The following IPO11 variants were observed in gnomAD, a reference collection of about 807,000 sequenced individuals.
IPO11 encodes importin 11, also known as importin-11.
Under a neutral mutation model 143.2 loss-of-function variants are expected in IPO11, and 66 were observed. That is an observed-to-expected ratio of 0.46 (90% CI 0.38 to 0.57). IPO11 has a LOEUF of 0.57. Ranked by LOEUF, IPO11 falls within the 20% of genes least tolerant of loss-of-function variation. The pLI is 0.00. For synonymous variants in IPO11, 385 were observed against 377.8 expected, an observed-to-expected ratio of 1.02 and a Z score of -0.22; for missense variants, 1,026 against 1,141.0, an observed-to-expected ratio of 0.90 and a Z score of 1.45.
At chr5:62,480,715 T>C (rs1163647290) in intron 9 of IPO11, among the ~76,000 whole-genome samples, 1 of 152,046 alleles carries the variant, frequency 6.6e-6, no homozygotes, top group Non-Finnish European at 1.5e-5. Flanking sequence ...GAATGGGAGT[T>C]CACTTATGAT....
At chr5:62,557,511 A>G (rs184384890) in intron 26 of IPO11, among the ~76,000 whole-genome samples, 7 of 152,298 alleles carry the variant, frequency 4.6e-5, no homozygotes, top group Non-Finnish European at 7.4e-5. Flanking sequence ...GGAACTTAAA[A>G]TATACCCCTG....
Position 62,470,679 on chromosome 5 carries a change from G to GT in IPO11, c.708+378dup, listed in dbSNP as rs1053230865. ...GTTTTTATGTATTTAAAATAAATTTGTTTTTTTCTGTCTGATCATTACATT... is the reference window on the plus strand; with the variant it reads ...GTTTTTATGTATTTAAAATAAATTTGTTTTTTTTCTGTCTGATCATTACATT... On this transcript the variant is annotated intron_variant, in intron 7 of 29. Coordinates refer to ENST00000325324, the MANE Select transcript of IPO11 (RefSeq NM_016338.5). Among the ~76,000 whole-genome samples the GT allele has an allele frequency of 6.0e-5, 9 of 151,108 alleles. 1 individual carries two copies. Among genetic ancestry groups the GT allele is most frequent in the East Asian group, 3.9e-4 (2 of 5,142 alleles).
At chr5:62,488,686 A>G (rs933077284) in intron 13 of IPO11, among the ~76,000 whole-genome samples, 4 of 152,132 alleles carry the variant, frequency 2.6e-5, no homozygotes, top group Non-Finnish European at 4.4e-5. Flanking sequence ...GTAGTGGTGT[A>G]TCCTAGAGAA....
At chr5:62,497,104 A>G (rs1415260363) in intron 16 of IPO11, among the ~76,000 whole-genome samples, 2 of 152,208 alleles carry the variant, frequency 1.3e-5, no homozygotes, top group Non-Finnish European at 2.9e-5. Context: ...AGGAATCGGG[A>G]TACATTTGAT....
intron 1 of IPO11, chr5:62,419,219 A>G: frequency 7.5e-7 from 1 of 1,331,466 alleles, no homozygotes; most frequent in Admixed American, 2.6e-5. Flanking sequence ...TGTACAGGGC[A>G]CTTACCTCGA....
Position 62,572,825 on chromosome 5 carries a change from C to T in IPO11, c.2582+11568C>T, listed in dbSNP as rs535059834. Among the ~76,000 whole-genome samples the T allele has an allele frequency of 1.8e-3, 271 of 152,104 alleles. 2 individuals carry two copies. The Middle Eastern group carries it at 0.024, about 13-fold the overall frequency. Reference sequence around the variant, plus strand: ...CTTGAACTCCTGCACTCAAGCAGTCCGCCTGCCTGGGCCTCCCAATATGCT... The same window carrying T: ...CTTGAACTCCTGCACTCAAGCAGTCTGCCTGCCTGGGCCTCCCAATATGCT... On this transcript the variant is annotated intron_variant, in intron 27 of 29. Coordinates refer to ENST00000325324, the MANE Select transcript of IPO11 (RefSeq NM_016338.5).
At chr5:62,530,307 C>G (rs1035548887) in intron 21 of IPO11, among the ~76,000 whole-genome samples, 1 of 152,134 alleles carries the variant, frequency 6.6e-6, no homozygotes, top group African/African-American at 2.4e-5. Context: ...ACTAAAGTCC[C>G]GCAGTCAGCC....
intron 29 of IPO11, among the ~76,000 whole-genome samples, chr5:62,616,500 G>A (rs1746141921): frequency 6.6e-6 from 1 of 151,948 alleles, no homozygotes; most frequent in South Asian, 2.1e-4. Flanking sequence ...TTGGGAGGTC[G>A]AGGCGGGTGG....
intron 13 of IPO11, among the ~76,000 whole-genome samples, chr5:62,489,005 C>G (rs1476271635): frequency 6.6e-6 from 1 of 152,008 alleles, no homozygotes; most frequent in African/African-American, 2.4e-5. Flanking sequence ...AAGACCTTGT[C>G]TCAAAAAAAA....
rs993358852 is a variant in IPO11, at chr5:62,522,543, C to G, written c.1897-3599C>G. On this transcript the variant is annotated intron_variant, in intron 20 of 29. Coordinates refer to ENST00000325324, the MANE Select transcript of IPO11 (RefSeq NM_016338.5). ...CAGCTGATCTGCCCGCCTTGACCTC[C>G]CAAAGTGCTGGGATTACAGGCATGA... 1.1e-4 allele frequency among the ~76,000 whole-genome samples: 17 copies of G among 152,300 alleles called. No homozygotes were observed. The East Asian group carries it at 3.3e-3, about 29-fold the overall frequency.
intron 1 of IPO11, among the ~76,000 whole-genome samples, chr5:62,430,079 A>G (rs1235257801): frequency 6.6e-6 from 1 of 152,106 alleles, no homozygotes; most frequent in Non-Finnish European, 1.5e-5. Context: ...TTATTTACCC[A>G]TTCATCACAT....
intron 29 of IPO11, among the ~76,000 whole-genome samples, chr5:62,614,115 CT>C (rs1483446638): frequency 6.6e-6 from 1 of 152,222 alleles, no homozygotes; most frequent in African/African-American, 2.4e-5. Context: ...GAGGTGTCTC[CT>C]TGGAATAAAG....
intron 26 of IPO11, among the ~76,000 whole-genome samples, chr5:62,554,558 C>A (rs995435397): frequency 4.6e-5 from 7 of 152,002 alleles, no homozygotes; most frequent in African/African-American, 1.7e-4. Context: ...AATATTCATG[C>A]TATCTTTTTC....
At chr5:62,526,089 C>A in intron 20 of IPO11, 53 bp from the exon 21 acceptor site, 1 of 1,135,854 alleles carries the variant, frequency 8.8e-7, no homozygotes, top group Non-Finnish European at 1.3e-6. Context: ...TTTTTTGGTG[C>A]GGGATGGGAC....
intron 1 of IPO11, among the ~76,000 whole-genome samples, chr5:62,424,329 C>T (rs1331334956): frequency 2.6e-5 from 4 of 151,906 alleles, no homozygotes; most frequent in Non-Finnish European, 5.9e-5. Flanking sequence ...TTGGTAGAGA[C>T]GGGGTTTCAC....
chr5:62,581,302 T>C (rs1301628823), intron 27 of IPO11: 1 of 1,506,236 alleles, frequency 6.6e-7, no homozygotes, highest in East Asian at 2.5e-5. Context: ...ACATTCTGCT[T>C]TATAACTCAA....
chr5:62,504,738 G>T, intron 17 of IPO11, 38 bp downstream of exon 17: 2 of 1,408,314 alleles, frequency 1.4e-6, no homozygotes, highest in Non-Finnish European at 1.9e-6. Context: ...TCATTGCAAA[G>T]AACTTTAACA....
chr5:62,580,062 T>C (rs903690690), intron 27 of IPO11: 1 of 1,551,058 alleles, frequency 6.4e-7, no homozygotes, highest in African/African-American at 1.4e-5. Flanking sequence ...ACCTTGCTTG[T>C]TTGTATTTAG....
chr5:62,430,253 C>T (rs1279974762), intron 1 of IPO11, among the ~76,000 whole-genome samples: 2 of 152,208 alleles, frequency 1.3e-5, no homozygotes, highest in East Asian at 1.9e-4. Flanking sequence ...AAGGAACTGC[C>T]AGACTTTTCC....
Sources: allele counts gnomAD v4.1 joint callset (sites outside exome capture counted in the v4.1 genomes callset), GRCh38; gene constraint gnomAD v4.1.1; transcripts MANE v1.5; gene names NCBI Gene and HGNC (gene_info 2026-07-23, HGNC 2026-07-21).